Variants in SLC22A25 observed in about 807,000 individuals in gnomAD.
SLC22A25 encodes solute carrier family 22 member 25.
In SLC22A25, 44 loss-of-function variants were observed where a neutral mutation model predicts 45.9. That is an observed-to-expected ratio of 0.96 (90% CI 0.75 to 1.23). The LOEUF (loss-of-function observed/expected upper bound fraction) is 1.23. Among genes scored for constraint, SLC22A25 ranks in the 50% most tolerant of loss-of-function variants. The pLI is 0.00. For synonymous variants in SLC22A25, 283 were observed against 238.6 expected (o/e 1.19, Z -1.72); for missense variants, 800 against 666.4 (o/e 1.20, Z -2.21).
rs2090035377 is a variant in SLC22A25, at chr11:63,229,766, C to T, written c.-114G>A. On this transcript the variant is annotated 5_prime_UTR_variant, in exon 4 of 12. Transcript: ENST00000306494. ...ACTAAGTGTGTGTGTTGATCCTGAC[C>T]CCACTCTCTTCTTAATGGGCCCTCT... 2 of 1,105,872 alleles carry T rather than the reference C, an allele frequency of 1.8e-6. No individual in the cohort carries two copies. The highest frequency in any genetic ancestry group is 4.2e-5 in the South Asian group (2 of 47,776). 68.5% of individuals were successfully genotyped at this position (1,105,872 alleles called of 1,614,324 possible).
intron 7 of SLC22A25, among the ~76,000 whole-genome samples, chr11:63,186,229 C>G (rs1436737106): frequency 2.3e-5 from 3 of 128,270 alleles, no homozygotes; most frequent in Non-Finnish European, 5.1e-5. Context: ...TTTTAATGAT[C>G]ACCATTCTAA....
intron 7 of SLC22A25, among the ~76,000 whole-genome samples, chr11:63,185,889 C>T (rs1267424129): frequency 6.7e-6 from 1 of 150,122 alleles, no homozygotes; most frequent in South Asian, 2.1e-4. Context: ...TTTTTTATGG[C>T]TGCATAGTAT....
chr11:63,202,693 C>G (rs2089284609), intron 7 of SLC22A25, among the ~76,000 whole-genome samples: 1 of 152,212 alleles, frequency 6.6e-6, no homozygotes, highest in African/African-American at 2.4e-5. Flanking sequence ...ATCCCTGGGA[C>G]AGGGCACGTG....
intron 2 of SLC22A25, among the ~76,000 whole-genome samples, chr11:63,238,304 T>G (rs1034712932): frequency 2.0e-5 from 3 of 152,194 alleles, no homozygotes; most frequent in African/African-American, 4.8e-5. Flanking sequence ...TTGTGAACCT[T>G]AAAAAATTTA....
At chr11:63,197,468 T>C (rs113500499) in intron 7 of SLC22A25, among the ~76,000 whole-genome samples, 5,505 of 152,268 alleles carry the variant, frequency 0.036, 338 homozygotes, top group African/African-American at 0.13. Flanking sequence ...TACAACCATC[T>C]GATCTTTGAC....
intron 7 of SLC22A25, among the ~76,000 whole-genome samples, chr11:63,212,143 G>A (rs2089585367): frequency 1.3e-5 from 2 of 151,962 alleles, no homozygotes; most frequent in South Asian, 4.2e-4. Flanking sequence ...AGTTAGAATG[G>A]CGATCATTAA....
At chr11:63,180,915 T>C (rs1417699019) in intron 8 of SLC22A25, 140 bp from the exon 9 acceptor site, 9 of 593,586 alleles carry the variant, frequency 1.5e-5, no homozygotes, top group African/African-American at 1.5e-4. Flanking sequence ...AAAAATGCAA[T>C]GGCAAATATA....
At chr11:63,239,298 G>A (rs755660821) in intron 1 of SLC22A25, among the ~76,000 whole-genome samples, 163 bp from the exon 2 acceptor site, 1 of 152,068 alleles carries the variant, frequency 6.6e-6, no homozygotes, top group South Asian at 2.1e-4. Flanking sequence ...TATCATTTGG[G>A]GATTAGATAG....
At chr11:63,168,918 G>T (rs979866317) in intron 9 of SLC22A25, among the ~76,000 whole-genome samples, 1 of 152,064 alleles carries the variant, frequency 6.6e-6, no homozygotes, top group African/African-American at 2.4e-5. Flanking sequence ...CAGCCACAGA[G>T]GAAGGTCAGG....
intron 9 of SLC22A25, chr11:63,167,975 C>T (rs112113974): frequency 0.035 from 13,895 of 393,074 alleles, 324 homozygotes; most frequent in Non-Finnish European, 0.053. Context: ...AAGGAGCAGG[C>T]AGGAATCTTT....
chr11:63,185,395 T>A (rs1418357352), intron 7 of SLC22A25, among the ~76,000 whole-genome samples: 1 of 151,930 alleles, frequency 6.6e-6, no homozygotes, highest in Non-Finnish European at 1.5e-5. Flanking sequence ...GTGTTTGGTT[T>A]TCTGTCCTTG....
chr11:63,219,337 A>C (rs1238719245), intron 5 of SLC22A25, among the ~76,000 whole-genome samples: 1 of 152,220 alleles, frequency 6.6e-6, no homozygotes, highest in Non-Finnish European at 1.5e-5. Context: ...GAAATCCTAA[A>C]GAGAATCACC....
intron 7 of SLC22A25, among the ~76,000 whole-genome samples, chr11:63,205,791 C>G (rs1211639751): frequency 6.6e-6 from 1 of 152,138 alleles, no homozygotes. Flanking sequence ...GGACTCTTCC[C>G]AAACTCATTT....
chr11:63,207,598 A>G (rs1015964641), intron 7 of SLC22A25, among the ~76,000 whole-genome samples: 1 of 152,176 alleles, frequency 6.6e-6, no homozygotes, highest in African/African-American at 2.4e-5. Flanking sequence ...AGAGAAATGA[A>G]AGAATGTGTA....
At chr11:63,222,385 T>C (rs940127943) in intron 5 of SLC22A25, among the ~76,000 whole-genome samples, 1 of 152,120 alleles carries the variant, frequency 6.6e-6, no homozygotes, top group African/African-American at 2.4e-5. Context: ...TTGTCACTAT[T>C]GTAAATGGGG....
intron 7 of SLC22A25, among the ~76,000 whole-genome samples, chr11:63,207,171 A>G (rs1427631716): frequency 6.6e-6 from 1 of 152,142 alleles, no homozygotes; most frequent in African/African-American, 2.4e-5. Context: ...AAACCCTAGA[A>G]GAAAACCTAG....
chr11:63,171,681 A>C (rs2087891078), intron 9 of SLC22A25, among the ~76,000 whole-genome samples: 1 of 152,204 alleles, frequency 6.6e-6, no homozygotes, highest in African/African-American at 2.4e-5. Context: ...ATGGAAAAAC[A>C]TTCCATGCTC....
At chr11:63,172,268 T>C (rs1053231491) in intron 9 of SLC22A25, among the ~76,000 whole-genome samples, 3 of 152,116 alleles carry the variant, frequency 2.0e-5, no homozygotes, top group South Asian at 2.1e-4. Flanking sequence ...CCAAAAGCAA[T>C]TGCAACAAAA....
At chr11:63,242,867 G>T (rs1220995432) in intron 1 of SLC22A25, among the ~76,000 whole-genome samples, 2 of 152,106 alleles carry the variant, frequency 1.3e-5, no homozygotes, top group Admixed American at 6.5e-5. Flanking sequence ...TGTGAGCGAG[G>T]CAGGCAGGGA....
Sources: allele counts gnomAD v4.1 joint callset (sites outside exome capture counted in the v4.1 genomes callset), GRCh38; gene constraint gnomAD v4.1.1; transcripts MANE v1.5; gene names NCBI Gene and HGNC (gene_info 2026-07-23, HGNC 2026-07-21).